Variants in PABIR3 observed in about 807,000 individuals in gnomAD.
The protein encoded by PABIR3 is PABIR family member 1.
Under a neutral mutation model 23.1 loss-of-function variants are expected in PABIR3, and 20 were observed. The observed-to-expected ratio is 0.86, with a 90% CI of 0.61 to 1.26. PABIR3 has a LOEUF of 1.26. Among genes scored for constraint, PABIR3 ranks in the 50% most tolerant of loss-of-function variants. The probability of loss-of-function intolerance (pLI) is 0.00; values close to 1 mark genes in which losing one functional copy is unlikely to be tolerated. For synonymous variants in PABIR3, 69 were observed against 68.5 expected (o/e 1.01, Z -0.04); for missense variants, 189 against 195.4 (o/e 0.97, Z 0.20).
At chrX:134,842,973 C>T (rs1326144142) in intron 4 of PABIR3, among the ~76,000 whole-genome samples, 4 of 109,423 alleles carry the variant, frequency 3.7e-5, no homozygotes, top group Non-Finnish European at 5.7e-5. Context: ...GAGGCCAAGA[C>T]GGGCGGATCA....
intron 2 of PABIR3, among the ~76,000 whole-genome samples, chrX:134,808,832 T>C (rs866891506): frequency 2.7e-5 from 3 of 111,902 alleles, no homozygotes; most frequent in Admixed American, 9.4e-5. Flanking sequence ...CTATTTTTTA[T>C]TGGAGCAGAA....
intron 1 of PABIR3, among the ~76,000 whole-genome samples, chrX:134,800,456 T>C (rs1455234397): frequency 9.0e-6 from 1 of 110,780 alleles, no homozygotes; most frequent in Non-Finnish European, 1.9e-5. Context: ...CCAATATTTC[T>C]GGCTTTGGAA....
At chrX:134,849,394 G>C (rs914552052) in intron 9 of PABIR3, among the ~76,000 whole-genome samples, 166 bp downstream of exon 9, 1 of 111,617 alleles carries the variant, frequency 9.0e-6, no homozygotes, top group Non-Finnish European at 1.9e-5. Flanking sequence ...ATATGTATAA[G>C]GACATTTTGA....
At chrX:134,829,818 A>G (rs1001627240) in intron 4 of PABIR3, among the ~76,000 whole-genome samples, 2 of 112,042 alleles carry the variant, frequency 1.8e-5, no homozygotes, top group Non-Finnish European at 3.8e-5. Flanking sequence ...TCATGTGCAC[A>G]TGCATGCTTA....
At chrX:134,851,467 C>T (rs1198877477) in intron 9 of PABIR3, among the ~76,000 whole-genome samples, 1 of 101,674 alleles carries the variant, frequency 9.8e-6, no homozygotes, top group Non-Finnish European at 2.0e-5. Context: ...ATCCAGGAGG[C>T]GGAAGTTGCA....
rs752676792 is a variant in PABIR3, at chrX:134,847,389, A to C, written c.352A>C (p.Asn118His). The C allele has an allele frequency of 8.3e-7, 1 of 1,201,599 alleles. No homozygotes were observed. Among genetic ancestry groups the C allele is most frequent in the South Asian group, 1.8e-5 (1 of 56,567 alleles). The change falls in exon 7 of 11, where the codon AAT (asparagine) becomes CAT (histidine). Residue 118 changes from asparagine (N) to histidine (H), a missense_variant. Physicochemically the swap from Asn to His is moderately conservative, Grantham distance 68. Transcript: ENST00000645433. ...CTGCTTTCTGCTTACACAGAATGAC[A>C]ATGGCTTACAGAAATCATCCTCTCT... ...SWEEGLKLND[N>H]GLQKSSSLKC...
At chrX:134,821,871 C>T in intron 3 of PABIR3, 2 of 773,645 alleles carry the variant, frequency 2.6e-6, no homozygotes, top group Non-Finnish European at 3.1e-6. Flanking sequence ...AGCATTTTAT[C>T]TCTAGTTACT....
At chrX:134,842,413 C>T (rs2082264820) in intron 4 of PABIR3, among the ~76,000 whole-genome samples, 1 of 109,388 alleles carries the variant, frequency 9.1e-6, no homozygotes, top group East Asian at 2.9e-4. Context: ...TCGAGACCAT[C>T]CTGTCTAACA....
intron 4 of PABIR3, among the ~76,000 whole-genome samples, chrX:134,837,045 A>AT (rs995700413): frequency 1.5e-4 from 16 of 108,949 alleles, no homozygotes; most frequent in East Asian, 2.8e-4. Context: ...CTTTAAAAAA[A>AT]TTTTTTTTTT....
Position 134,817,196 on chromosome X carries a change from C to CA in PABIR3, c.189+2356dup, listed in dbSNP as rs772478875. Among the ~76,000 whole-genome samples, 265 of 109,406 alleles carry CA rather than the reference C, an allele frequency of 2.4e-3. 2 individuals are homozygous for CA. The highest frequency in any genetic ancestry group is 5.6e-3 in the Admixed American group (57 of 10,163). On this transcript the variant is annotated intron_variant, in intron 3 of 10. Transcript: ENST00000645433. ...AAACAAACAAACAAACAAACAAAAACAAAAAAAAATATTGCTTGCTAATCT... is the reference window on the plus strand; with the variant it reads ...AAACAAACAAACAAACAAACAAAAACAAAAAAAAAATATTGCTTGCTAATCT...
intron 4 of PABIR3, among the ~76,000 whole-genome samples, chrX:134,843,918 C>CTTTTTTTTT (rs1196514400): frequency 1.5e-5 from 1 of 66,033 alleles, no homozygotes; most frequent in African/African-American, 6.8e-5. Flanking sequence ...TATGCATGTT[C>CTTTTTTTTT]TTTTTTTTTT....
chrX:134,834,545 T>C (rs957652086), intron 4 of PABIR3, among the ~76,000 whole-genome samples: 1 of 112,462 alleles, frequency 8.9e-6, no homozygotes, highest in Non-Finnish European at 1.9e-5. Context: ...TTGCTTTTGT[T>C]AGAATTGCTT....
intron 3 of PABIR3, among the ~76,000 whole-genome samples, chrX:134,827,051 C>T (rs759682804): frequency 1.9e-4 from 21 of 111,533 alleles, no homozygotes; most frequent in African/African-American, 6.2e-4. Context: ...AGCTCTGCCT[C>T]CCAGGTTCAA....
chrX:134,797,709 G>T (rs1256913354), intron 1 of PABIR3, among the ~76,000 whole-genome samples: 18 of 111,364 alleles, frequency 1.6e-4, no homozygotes, highest in Non-Finnish European at 1.7e-4. Flanking sequence ...ACAAAACTAG[G>T]AAAAGTCCTG....
chrX:134,808,581 C>A (rs1197619936), intron 2 of PABIR3, among the ~76,000 whole-genome samples: 1 of 111,596 alleles, frequency 9.0e-6, no homozygotes, highest in Non-Finnish European at 1.9e-5. Flanking sequence ...AGGGTTTCAC[C>A]GTGTTAGTCA....
At chrX:134,827,415 CCTT>C (rs1431029188) in intron 3 of PABIR3, among the ~76,000 whole-genome samples, 3 of 111,045 alleles carry the variant, frequency 2.7e-5, no homozygotes, top group Admixed American at 1.9e-4. Context: ...CAATCTACCT[CCTT>C]CTCTTCACTC....
intron 4 of PABIR3, among the ~76,000 whole-genome samples, chrX:134,836,742 G>C (rs1254373237): frequency 9.0e-6 from 1 of 111,647 alleles, no homozygotes; most frequent in Non-Finnish European, 1.9e-5. Flanking sequence ...TGGGGATTAG[G>C]ACTTCAACAC....
chrX:134,807,641 A>T lies in PABIR3; in HGVS notation c.43A>T (p.Ser15Cys), dbSNP rs1430136302. Reference sequence around the variant, plus strand: ...GAAACTAGGTTTCAAGTCGCTGCCGAGTTCCACTACCGCAGACGGCAACAT... The same window carrying T: ...GAAACTAGGTTTCAAGTCGCTGCCGTGTTCCACTACCGCAGACGGCAACAT... Reference protein sequence around the residue: ...KMKLGFKSLPSSTTADGNILR... With the variant: ...KMKLGFKSLPCSTTADGNILR... The change falls in exon 2 of 11, where the codon AGT becomes TGT. Residue 15 changes from serine (S) to cysteine (C), a missense_variant. Ser to Cys is a moderately radical substitution (Grantham distance 112). Coordinates refer to ENST00000645433, the MANE Select transcript of PABIR3 (RefSeq NM_001388447.1). The T allele has an allele frequency of 8.3e-7, 1 of 1,210,591 alleles. No homozygotes were observed. Among genetic ancestry groups the T allele is most frequent in the Non-Finnish European group, 1.1e-6 (1 of 894,783 alleles).
rs1317309933 is a variant in PABIR3 at position 134,820,758 on chromosome X, C to T, written c.189+5909C>T. ...AAAACAGGCTGGGCACAGTAGCTCA[C>T]GCCTGTAATCCCAGCACTTTCAGAG... is the stretch of plus-strand genomic sequence containing the variant. On this transcript the variant is annotated intron_variant, in intron 3 of 10. Transcript: ENST00000645433. Among the ~76,000 whole-genome samples the T allele has an allele frequency of 7.0e-4, 78 of 110,805 alleles. 2 individuals are homozygous for T. Among genetic ancestry groups the T allele is most frequent in the Non-Finnish European group, 1.9e-5 (1 of 53,049 alleles).
Sources: gnomAD v4.1 joint callset for allele counts (sites outside exome capture counted in the v4.1 genomes callset) on GRCh38, gnomAD v4.1.1 for gene constraint, MANE v1.5 for transcripts, NCBI Gene and HGNC (gene_info 2026-07-23, HGNC 2026-07-21) for gene names.